The following KCNG2 variants were observed in gnomAD, a reference collection of about 807,000 sequenced individuals.
KCNG2 encodes voltage-gated potassium channel regulatory subunit KCNG2.
KCNG2 carries 7 observed loss-of-function variants against 12.3 expected under a neutral mutation model. The ratio of observed to expected loss-of-function variants is 0.57; its 90% CI spans 0.32 to 1.07. The LOEUF (loss-of-function observed/expected upper bound fraction) is 1.07. Ranked by LOEUF, KCNG2 falls within the 50% of genes least tolerant of loss-of-function variation. The pLI is 0.04. For synonymous variants in KCNG2, 414 were observed against 351.4 expected (o/e 1.18, Z -1.99); for missense variants, 703 against 726.0 (o/e 0.97, Z 0.36).
At chr18:79,846,404 C>T (rs1014312920) in intron 1 of KCNG2, among the ~76,000 whole-genome samples, 2 of 143,024 alleles carry the variant, frequency 1.4e-5, no homozygotes, top group African/African-American at 5.1e-5. Context: ...AAGAGTGAGA[C>T]TCTGTCTCAG....
chr18:79,864,082 G>C lies in KCNG2; in HGVS notation c.415G>C (p.Glu139Gln). ...GGCCGAGGCCCGCGCGGGGCCGACG[G>C]AGCGCGGGGCGCAGGGGAGCCCGGC... is the stretch of plus-strand genomic sequence containing the variant. ...EAAEARAGPT[E>Q]RGAQGSPARA... The change falls in exon 3 of 4, where the codon GAG becomes CAG. Residue 139 changes from glutamate to glutamine, a missense_variant. Transcript: ENST00000316249. 9.4e-7 allele frequency: 1 copy of C among 1,065,284 alleles called. No individual in the cohort carries two copies. Among genetic ancestry groups the C allele is most frequent in the Non-Finnish European group, 1.1e-6 (1 of 882,222 alleles). The allele number at this position is 1,065,284 out of a possible 1,614,324, so 66.0% of individuals were successfully genotyped here. A position where few individuals can be genotyped will look rare whatever the true frequency, so the allele number is the denominator to read the frequency against.
At chr18:79,887,901 A>T (rs2123120371) in intron 3 of KCNG2, among the ~76,000 whole-genome samples, 1 of 152,308 alleles carries the variant, frequency 6.6e-6, no homozygotes, top group East Asian at 1.9e-4. Context: ...GTCTGTGGTC[A>T]GAGAAGGCTG....
At chr18:79,888,301 T>C (rs1023353093) in intron 3 of KCNG2, among the ~76,000 whole-genome samples, 5 of 152,144 alleles carry the variant, frequency 3.3e-5, no homozygotes, top group Admixed American at 3.3e-4. Context: ...TGCAGACTCC[T>C]GAGAAGGTCC....
chr18:79,884,135 C>T lies in KCNG2; in HGVS notation c.625-14905C>T, dbSNP rs552866947. Among the ~76,000 whole-genome samples the T allele has an allele frequency of 9.8e-4, 149 of 152,264 alleles. 1 individual carries two copies. The highest frequency in any genetic ancestry group is 6.8e-3 in the Middle Eastern group (2 of 294). ...CGCCTGCAATTTCCGTGGCACAGGC[C>T]GACCTCTCTCTGCCAGCACGAAGCC... On this transcript the variant is annotated intron_variant, in intron 3 of 3. Transcript: ENST00000316249. This position sits in a 1 kb window ranked among gnomAD's most constrained non-coding sequence, Gnocchi z 5.5.
chr18:79,865,130 GAGGGCT>G (rs1979421944), intron 3 of KCNG2, among the ~76,000 whole-genome samples: 3 of 150,778 alleles, frequency 2.0e-5, no homozygotes, highest in Non-Finnish European at 4.4e-5. Flanking sequence ...TGGGTGCTGA[GAGGGCT>G]GTCTGCTGAG....
chr18:79,855,522 C>T (rs984781247), intron 1 of KCNG2, among the ~76,000 whole-genome samples: 5 of 152,030 alleles, frequency 3.3e-5, no homozygotes, highest in African/African-American at 7.3e-5. Context: ...CACCTTTGTG[C>T]GTGATCATGT....
chr18:79,893,709 A>C (rs1980833658), intron 3 of KCNG2, among the ~76,000 whole-genome samples: 1 of 148,554 alleles, frequency 6.7e-6, no homozygotes, highest in South Asian at 2.1e-4. Flanking sequence ...TGGGTTGTTC[A>C]CTCCATTCAC....
rs1370469004 is a variant in KCNG2 at position 79,899,452 on chromosome 18, AGCTGGGCGC to A, written c.1040_1048del (p.Leu347_Ala349del). The stretch of plus-strand genomic sequence containing the variant: ...CCACTGGTGCACCTGGCCGAGCGCG[AGCTGGGCGC>A]GCGCCGCGACTTCTCCAGCGTGCCC... On this transcript the variant is annotated inframe_deletion, in exon 4 of 4. Transcript: ENST00000316249. 1 of 1,600,396 alleles carries A rather than the reference AGCTGGGCGC, an allele frequency of 6.2e-7. No individual in the cohort carries two copies. Among genetic ancestry groups the A allele is most frequent in the Non-Finnish European group, 8.5e-7 (1 of 1,175,184 alleles).
intron 3 of KCNG2, among the ~76,000 whole-genome samples, chr18:79,895,678 A>G (rs1310246434): frequency 1.3e-5 from 2 of 151,194 alleles, no homozygotes; most frequent in Admixed American, 6.6e-5. Context: ...ATCTAATGTT[A>G]CGATTGATAT....
intron 1 of KCNG2, among the ~76,000 whole-genome samples, chr18:79,851,235 C>G (rs1978805396): frequency 6.6e-6 from 1 of 152,106 alleles, no homozygotes; most frequent in Non-Finnish European, 1.5e-5. Flanking sequence ...GATTGATTTT[C>G]TTTATTAGTA....
At chr18:79,895,891 T>G (rs1980957140) in intron 3 of KCNG2, among the ~76,000 whole-genome samples, 1 of 152,264 alleles carries the variant, frequency 6.6e-6, no homozygotes, top group Admixed American at 6.5e-5. Context: ...TGTTTCTGTA[T>G]CCTTCCTTAA....
intron 3 of KCNG2, among the ~76,000 whole-genome samples, chr18:79,875,601 A>G (rs1368594758): frequency 2.6e-5 from 4 of 151,990 alleles, no homozygotes; most frequent in Non-Finnish European, 5.9e-5. Context: ...CCCACCCTAC[A>G]CGGTGGCACC....
In KCNG2 at chr18:79,830,848, G is replaced by A. The variant is rs1008504903; in HGVS notation, c.-114-25531G>A. 9.6e-4 allele frequency among the ~76,000 whole-genome samples: 129 copies of A among 134,384 alleles called. 2 individuals are homozygous for A. The highest frequency in any genetic ancestry group is 1.1e-3 in the Non-Finnish European group (65 of 61,190). The allele number at this position is 134,384 out of a possible 152,430, so 88.2% of individuals were successfully genotyped here. ...AGCCTTCGTCAGGAGCGTTCTCTGC[G>A]GACAGAGCCTTCGTCAGGAGGGTTC... On this transcript the variant is annotated intron_variant, in intron 1 of 3. Coordinates refer to ENST00000316249, the MANE Select transcript of KCNG2 (RefSeq NM_012283.2).
intron 1 of KCNG2, among the ~76,000 whole-genome samples, chr18:79,827,006 T>G (rs1399636714): frequency 1.3e-5 from 2 of 152,268 alleles, no homozygotes; most frequent in African/African-American, 4.8e-5. Context: ...CCGCTTTCTG[T>G]TCAGGACGCT....
Position 79,899,236 on chromosome 18 carries a change from C to G in KCNG2, c.821C>G (p.Pro274Arg), listed in dbSNP as rs755780837. 6.3e-7 allele frequency: 1 copy of G among 1,597,916 alleles called. No homozygotes were observed. The highest frequency in any genetic ancestry group is 8.5e-7 in the Non-Finnish European group (1 of 1,178,104). Residue 274 changes from proline to arginine, a missense_variant, in exon 4 of 4, where the codon CCG becomes CGG. By Grantham distance (103) the Pro-to-Arg change is moderately radical. Transcript: ENST00000316249. Reference sequence around the variant, plus strand: ...CTGCTGCTGGGGCTGGCGGCAGGCCCGGGCGGGACCAAGCTCCTGGAGCGC... The same window carrying G: ...CTGCTGCTGGGGCTGGCGGCAGGCCGGGGCGGGACCAAGCTCCTGGAGCGC... ...VSLLLGLAAG[P>R]GGTKLLERAG...
chr18:79,834,246 G>A lies in KCNG2; in HGVS notation c.-114-22133G>A, dbSNP rs187459054. Among the ~76,000 whole-genome samples the A allele has an allele frequency of 4.6e-5, 7 of 152,356 alleles. No homozygotes were observed. The East Asian group carries it at 1.3e-3, about 29-fold the overall frequency. The stretch of plus-strand genomic sequence containing the variant: ...TTTGCCTCGGCGGCACCAGCACTGA[G>A]CAAACGTCCTGTCCTCCGACGTGGC... On this transcript the variant is annotated intron_variant, in intron 1 of 3. Transcript: ENST00000316249.
chr18:79,820,184 G>A (rs912879969), intron 1 of KCNG2, among the ~76,000 whole-genome samples: 3 of 152,234 alleles, frequency 2.0e-5, no homozygotes, highest in African/African-American at 7.2e-5. Context: ...TGCTCTGAAC[G>A]TCGGCGCTTG....
intron 1 of KCNG2, among the ~76,000 whole-genome samples, chr18:79,810,634 C>T (rs1207055853): frequency 6.6e-6 from 1 of 152,152 alleles, no homozygotes; most frequent in African/African-American, 2.4e-5. Context: ...TGTGCTGGCA[C>T]AGGCCTGTAG....
intron 1 of KCNG2, among the ~76,000 whole-genome samples, chr18:79,824,346 A>G (rs1276207215): frequency 6.6e-6 from 1 of 152,346 alleles, no homozygotes; most frequent in African/African-American, 2.4e-5. Context: ...TGTGTATAGG[A>G]AGGCTGTTGA....
Sources: gnomAD v4.1 joint callset for allele counts (sites outside exome capture counted in the v4.1 genomes callset) on GRCh38, gnomAD v4.1.1 for gene constraint, Gnocchi (gnomAD v3.1) non-coding constraint, MANE v1.5 for transcripts, NCBI Gene and HGNC (gene_info 2026-07-23, HGNC 2026-07-21) for gene names.